MAN1A2: variants seen among roughly 807,000 people sequenced by gnomAD.
The protein encoded by MAN1A2 is mannosyl-oligosaccharide 1,2-alpha-mannosidase IB.
Under a neutral mutation model 75.7 loss-of-function variants are expected in MAN1A2, and 26 were observed. That is an observed-to-expected ratio of 0.34 (90% CI 0.25 to 0.48). The LOEUF (loss-of-function observed/expected upper bound fraction) is 0.48. Ranked by LOEUF, MAN1A2 falls within the 20% of genes least tolerant of loss-of-function variation. The pLI is 0.99. For missense variants in MAN1A2, 562 were observed against 775.5 expected (o/e 0.72, Z 3.27); for synonymous variants, 247 against 264.6 (o/e 0.93, Z 0.65).
chr1:117,420,535 G>A lies in MAN1A2; in HGVS notation c.775-34G>A, dbSNP rs148174701. On this transcript the variant is annotated intron_variant, in intron 4 of 12. Transcript: ENST00000356554. ...TATTTTGAAAACTATAAAGCATTAC[G>A]TATTTGTGAATGTTTTCAATATGTT... 6.0e-4 allele frequency: 838 copies of A among 1,404,504 alleles called. 4 individuals carry two copies. The African/African-American group carries it at 7.2e-3, about 12-fold the overall frequency. 87.0% of individuals were successfully genotyped at this position (1,404,504 alleles called of 1,614,324 possible).
chr1:117,500,517 T>C (rs1358117228), intron 11 of MAN1A2, among the ~76,000 whole-genome samples: 1 of 151,876 alleles, frequency 6.6e-6, no homozygotes, highest in African/African-American at 2.4e-5. Context: ...CTGATTGTAA[T>C]CCACAAATTG....
At chr1:117,416,012 C>G (rs1342332920) in intron 4 of MAN1A2, among the ~76,000 whole-genome samples, 1 of 151,876 alleles carries the variant, frequency 6.6e-6, no homozygotes, top group Non-Finnish European at 1.5e-5. Context: ...CTTTTTGTAT[C>G]TTGTTTAAGA....
At chr1:117,497,354 G>C (rs1250931286) in intron 10 of MAN1A2, among the ~76,000 whole-genome samples, 2 of 151,988 alleles carry the variant, frequency 1.3e-5, no homozygotes, top group East Asian at 3.9e-4. Flanking sequence ...ATATTGCCTT[G>C]CCTATCCTCT....
rs774121000 is a variant in MAN1A2 at position 117,368,432 on chromosome 1, G to A, written c.249G>A (p.Gly83=). The change falls in exon 1 of 13, where the codon GGG becomes GGA. Residue 83 remains glycine, a synonymous_variant. Coordinates refer to ENST00000356554, the MANE Select transcript of MAN1A2 (RefSeq NM_006699.5). ...TTCCACATGTAGATGCCGGTAAAGG[G>A]GCTAAAAACCCCGGAGTCTTCCTGA... is the stretch of plus-strand genomic sequence containing the variant. ...VLIPHVDAGK[G]AKNPGVFLIH... 5 of 1,613,772 alleles carry A rather than the reference G, an allele frequency of 3.1e-6. No homozygotes were observed. The highest frequency in any genetic ancestry group is 4.2e-6 in the Non-Finnish European group (5 of 1,179,954).
intron 1 of MAN1A2, among the ~76,000 whole-genome samples, chr1:117,375,862 T>G (rs1653118874): frequency 6.6e-6 from 1 of 152,064 alleles, no homozygotes; most frequent in South Asian, 2.1e-4. Flanking sequence ...TTATTCTATC[T>G]CTCCCCATTT....
At chr1:117,424,189 G>A (rs1028571683) in intron 5 of MAN1A2, among the ~76,000 whole-genome samples, 1 of 151,946 alleles carries the variant, frequency 6.6e-6, no homozygotes, top group Non-Finnish European at 1.5e-5. Flanking sequence ...ATTTATTTTT[G>A]TTCTTTTCCT....
rs1045267774 is a variant in MAN1A2, at chr1:117,527,097, A to G, written c.*4140A>G. Reference sequence around the variant, plus strand: ...TATTTTAATCCATTTATCCTGGCTCAAGAACACTGATAAAGATGATTTTCT... The same window carrying G: ...TATTTTAATCCATTTATCCTGGCTCGAGAACACTGATAAAGATGATTTTCT... On this transcript the variant is annotated 3_prime_UTR_variant, in exon 13 of 13. Transcript: ENST00000356554. 4.0e-5 allele frequency: 6 copies of G among 151,652 alleles called. No individual in the cohort carries two copies. The highest frequency in any genetic ancestry group is 2.6e-4 in the Admixed American group (4 of 15,162). 9.4% of individuals were successfully genotyped at this position (151,652 alleles called of 1,614,324 possible). A position where few individuals can be genotyped will look rare whatever the true frequency, so the allele number is the denominator to read the frequency against.
chr1:117,457,580 G>A (rs1473080416), intron 6 of MAN1A2, among the ~76,000 whole-genome samples: 1 of 152,040 alleles, frequency 6.6e-6, no homozygotes, highest in Non-Finnish European at 1.5e-5. Flanking sequence ...TTAGAATTTA[G>A]TATTTTGAAA....
chr1:117,427,129 A>G (rs1648400902), intron 5 of MAN1A2, among the ~76,000 whole-genome samples: 1 of 151,386 alleles, frequency 6.6e-6, no homozygotes. Flanking sequence ...AAATTACTCA[A>G]TGTATGAAAA....
chr1:117,501,599 G>C (rs773336745), intron 11 of MAN1A2, among the ~76,000 whole-genome samples: 9 of 151,760 alleles, frequency 5.9e-5, no homozygotes, highest in East Asian at 1.9e-4. Context: ...TCATGTGGTG[G>C]TGAAGACACA....
At chr1:117,406,562 A>G (rs1647623805) in intron 3 of MAN1A2, among the ~76,000 whole-genome samples, 2 of 152,284 alleles carry the variant, frequency 1.3e-5, no homozygotes, top group South Asian at 4.1e-4. Context: ...AAAAAAGAAA[A>G]TGTCTTAAAA....
intron 6 of MAN1A2, among the ~76,000 whole-genome samples, chr1:117,452,180 G>T (rs1320878811): frequency 1.3e-5 from 2 of 151,798 alleles, no homozygotes; most frequent in East Asian, 3.9e-4. Context: ...GGTGGTGCAT[G>T]CCTGTAATCC....
At chr1:117,505,479 CTA>C (rs761089522) in intron 12 of MAN1A2, among the ~76,000 whole-genome samples, 1 of 150,134 alleles carries the variant, frequency 6.7e-6, no homozygotes. Context: ...GTATATCTAT[CTA>C]TATATATATA....
intron 5 of MAN1A2, among the ~76,000 whole-genome samples, chr1:117,429,473 G>A (rs1308742851): frequency 1.8e-5 from 2 of 113,074 alleles, no homozygotes; most frequent in African/African-American, 6.3e-5. Flanking sequence ...GCGGCTGGCC[G>A]GGCGGGGGGC....
chr1:117,484,165 T>C (rs1650590780), intron 8 of MAN1A2, among the ~76,000 whole-genome samples: 1 of 151,942 alleles, frequency 6.6e-6, no homozygotes, highest in Non-Finnish European at 1.5e-5. Flanking sequence ...TCGTATGTTA[T>C]ATATATTATA....
chr1:117,516,216 A>T (rs538545702), intron 12 of MAN1A2, among the ~76,000 whole-genome samples: 1 of 152,172 alleles, frequency 6.6e-6, no homozygotes, highest in Non-Finnish European at 1.5e-5. Flanking sequence ...CAGGTAAACA[A>T]ATATGGCTAA....
chr1:117,443,849 A>G (rs1649121201), intron 6 of MAN1A2, among the ~76,000 whole-genome samples: 1 of 151,886 alleles, frequency 6.6e-6, no homozygotes, highest in South Asian at 2.1e-4. Context: ...GGCTCAAGTG[A>G]TCCTCCTACC....
At chr1:117,441,576 A>G (rs531452110) in intron 5 of MAN1A2, among the ~76,000 whole-genome samples, 2 of 152,182 alleles carry the variant, frequency 1.3e-5, no homozygotes, top group Non-Finnish European at 2.9e-5. Context: ...AGAAAATAGT[A>G]GAAATTTTTC....
At chr1:117,459,083 G>A (rs557433120) in intron 6 of MAN1A2, among the ~76,000 whole-genome samples, 3 of 152,194 alleles carry the variant, frequency 2.0e-5, no homozygotes, top group African/African-American at 7.2e-5. Context: ...TAAGGTCATC[G>A]CCATATAAAC....
Sources: gnomAD v4.1 joint callset for allele counts (sites outside exome capture counted in the v4.1 genomes callset) on GRCh38, gnomAD v4.1.1 for gene constraint, MANE v1.5 for transcripts, NCBI Gene and HGNC (gene_info 2026-07-23, HGNC 2026-07-21) for gene names.